Variants in FAT3 observed in about 807,000 individuals in gnomAD.
The protein encoded by FAT3 is FAT atypical cadherin 3, also known as protocadherin Fat 3.
In FAT3, 95 loss-of-function variants were observed where a neutral mutation model predicts 310.2. The observed-to-expected ratio is 0.31, with a 90% CI of 0.26 to 0.36. The LOEUF (loss-of-function observed/expected upper bound fraction) is 0.36. Among genes scored for constraint, FAT3 ranks in the 10% least tolerant of loss-of-function variants. FAT3 has a pLI of 1.00. For synonymous variants in FAT3, 2,314 were observed against 2,192.9 expected (o/e 1.06, Z -1.54); for missense variants, 5,408 against 5,715.6 (o/e 0.95, Z 1.74).
At chr11:92,277,944 C>T (rs1283780768) in intron 1 of FAT3, among the ~76,000 whole-genome samples, 3 of 152,034 alleles carry the variant, frequency 2.0e-5, no homozygotes, top group East Asian at 1.9e-4. Flanking sequence ...ATTAGCTGGG[C>T]CTGGTGGCAC....
At chr11:92,254,763 T>C (rs911294464) in intron 1 of FAT3, among the ~76,000 whole-genome samples, 4 of 152,200 alleles carry the variant, frequency 2.6e-5, no homozygotes, top group Middle Eastern at 3.4e-3. Flanking sequence ...TGGAGTGCAA[T>C]GGCATGATCT....
chr11:92,666,427 C>T (rs979154967), intron 3 of FAT3, among the ~76,000 whole-genome samples: 1 of 150,526 alleles, frequency 6.6e-6, no homozygotes, highest in Non-Finnish European at 1.5e-5. Flanking sequence ...TCTCTGCTCA[C>T]TGCAAGCTCT....
At chr11:92,340,468 G>A (rs1002678857) in intron 1 of FAT3, among the ~76,000 whole-genome samples, 3 of 152,194 alleles carry the variant, frequency 2.0e-5, no homozygotes, top group Middle Eastern at 3.2e-3. Flanking sequence ...TGAGCTCACT[G>A]AGTTCATATG....
intron 3 of FAT3, among the ~76,000 whole-genome samples, chr11:92,538,354 C>A (rs981345739): frequency 2.0e-5 from 3 of 152,106 alleles, no homozygotes; most frequent in African/African-American, 7.2e-5. Context: ...ACATACTACC[C>A]ATAAGGCAAT....
intron 5 of FAT3, among the ~76,000 whole-genome samples, chr11:92,763,745 C>T (rs1459339073): frequency 6.6e-6 from 1 of 152,170 alleles, no homozygotes; most frequent in Non-Finnish European, 1.5e-5. Flanking sequence ...GGTTTAACTC[C>T]TACCCTGCCC....
At chr11:92,655,647 C>T (rs572157006) in intron 3 of FAT3, among the ~76,000 whole-genome samples, 1 of 152,304 alleles carries the variant, frequency 6.6e-6, no homozygotes, top group South Asian at 2.1e-4. Context: ...CAAACCTTCC[C>T]TGGCCCTCCC....
rs769863529 is a variant in FAT3, at chr11:92,840,670, G to A, written c.10477G>A (p.Glu3493Lys). The A allele has an allele frequency of 6.2e-6, 10 of 1,613,260 alleles. No homozygotes were observed. Among genetic ancestry groups the A allele is most frequent in the Non-Finnish European group, 7.6e-6 (9 of 1,179,324 alleles). The change falls in exon 18 of 28, where the codon GAG (glutamate) becomes AAG (lysine). Residue 3493 changes from glutamate to lysine, a missense_variant. Transcript: ENST00000525166. ...SFSILSGNEEEEFVLDPHGIL... is the reference protein window; with the variant it reads ...SFSILSGNEEKEFVLDPHGIL... ...CTCTATTTTGTCGGGAAATGAAGAG[G>A]AGGAGTTTGTGTTGGACCCTCATGG... is the stretch of plus-strand genomic sequence containing the variant.
intron 1 of FAT3, among the ~76,000 whole-genome samples, chr11:92,313,576 T>C (rs528243048): frequency 3.6e-4 from 55 of 152,348 alleles, no homozygotes; most frequent in Admixed American, 3.3e-3. Flanking sequence ...TTGTTTCGTT[T>C]TGAGACAGAC....
At chr11:92,432,964 C>T (rs761710129) in intron 2 of FAT3, among the ~76,000 whole-genome samples, 3 of 152,204 alleles carry the variant, frequency 2.0e-5, no homozygotes, top group Non-Finnish European at 4.4e-5. Context: ...GGCAGTCTGG[C>T]TACAGAGGCT....
At chr11:92,881,362 G>A (rs192750621) in intron 23 of FAT3, among the ~76,000 whole-genome samples, 1 of 152,224 alleles carries the variant, frequency 6.6e-6, no homozygotes, top group Admixed American at 6.5e-5. Flanking sequence ...GAAAGAGACC[G>A]TTTTAAATTC....
chr11:92,459,112 C>T (rs1359207076), intron 2 of FAT3, among the ~76,000 whole-genome samples: 1 of 152,172 alleles, frequency 6.6e-6, no homozygotes, highest in Non-Finnish European at 1.5e-5. Context: ...AATCCTCATC[C>T]ATCCTTTGGC....
chr11:92,592,194 G>A (rs559272352), intron 3 of FAT3, among the ~76,000 whole-genome samples: 1 of 151,310 alleles, frequency 6.6e-6, no homozygotes, highest in Non-Finnish European at 1.5e-5. Flanking sequence ...AGTATTAGGG[G>A]AATGAAAAAA....
intron 2 of FAT3, among the ~76,000 whole-genome samples, chr11:92,387,668 A>C (rs1470542329): frequency 6.6e-6 from 1 of 152,112 alleles, no homozygotes; most frequent in Non-Finnish European, 1.5e-5. Flanking sequence ...GTGTGCATGG[A>C]ATGGTGAGAC....
intron 3 of FAT3, among the ~76,000 whole-genome samples, chr11:92,591,056 T>C (rs1939401400): frequency 6.6e-6 from 1 of 152,172 alleles, no homozygotes; most frequent in Admixed American, 6.6e-5. Flanking sequence ...GGCAAACTAA[T>C]GGCCTGGAGG....
chr11:92,669,327 G>A (rs1210253485), intron 3 of FAT3, among the ~76,000 whole-genome samples: 1 of 152,144 alleles, frequency 6.6e-6, no homozygotes, highest in Non-Finnish European at 1.5e-5. Flanking sequence ...GTAGAGTGAT[G>A]ACTGCAAAAT....
intron 2 of FAT3, among the ~76,000 whole-genome samples, chr11:92,488,348 C>G (rs571920197): frequency 6.6e-6 from 1 of 151,556 alleles, no homozygotes; most frequent in African/African-American, 2.4e-5. Flanking sequence ...CTAAGTGGTA[C>G]CCAGACTCCT....
At chr11:92,241,723 A>T (rs1864675151) in intron 1 of FAT3, among the ~76,000 whole-genome samples, 1 of 152,048 alleles carries the variant, frequency 6.6e-6, no homozygotes, top group Non-Finnish European at 1.5e-5. Flanking sequence ...AAAGGGTATT[A>T]TTTATTTATC....
chr11:92,315,537 A>AGATT (rs1555009476), intron 1 of FAT3, among the ~76,000 whole-genome samples: 4 of 141,640 alleles, frequency 2.8e-5, no homozygotes, highest in African/African-American at 8.3e-5. Flanking sequence ...AGAGAGAGAG[A>AGATT]GAGAGAGAGA....
intron 3 of FAT3, among the ~76,000 whole-genome samples, chr11:92,553,759 CTT>C (rs1954908909): frequency 7.1e-6 from 1 of 141,550 alleles, no homozygotes; most frequent in South Asian, 2.2e-4. Context: ...TTCTCTCTCT[CTT>C]TCTCTCTTTC....
Sources: allele counts gnomAD v4.1 joint callset (sites outside exome capture counted in the v4.1 genomes callset), GRCh38; gene constraint gnomAD v4.1.1; transcripts MANE v1.5; gene names NCBI Gene and HGNC (gene_info 2026-07-23, HGNC 2026-07-21).